The following SYNE3 variants were observed in gnomAD, a reference collection of about 807,000 sequenced individuals.
SYNE3 encodes nesprin-3.
In SYNE3, 100 loss-of-function variants were observed where a neutral mutation model predicts 111.2. The ratio of observed to expected loss-of-function variants is 0.90; its 90% CI spans 0.77 to 1.06. SYNE3 has a LOEUF of 1.06. Ranked by LOEUF, SYNE3 falls within the 50% of genes least tolerant of loss-of-function variation. The pLI, the probability that SYNE3 is intolerant of heterozygous loss-of-function variation, is 0.00. For missense variants in SYNE3, 1,160 were observed against 1,240.3 expected (o/e 0.94, Z 0.97); for synonymous variants, 547 against 533.9 (o/e 1.02, Z -0.34).
chr14:95,484,213 G>C (rs1300551342), intron 1 of SYNE3, among the ~76,000 whole-genome samples: 2 of 152,244 alleles, frequency 1.3e-5, no homozygotes, highest in Non-Finnish European at 2.9e-5. Context: ...AAATGGGACA[G>C]AGTGGAGGGG....
At chr14:95,483,938 G>A (rs1255323345) in intron 1 of SYNE3, among the ~76,000 whole-genome samples, 1 of 152,234 alleles carries the variant, frequency 6.6e-6, no homozygotes, top group African/African-American at 2.4e-5. Context: ...TTGGAGGCAA[G>A]CGGTCCCGAA....
intron 9 of SYNE3, among the ~76,000 whole-genome samples, chr14:95,445,278 G>A: frequency 6.6e-6 from 1 of 152,144 alleles, no homozygotes. Flanking sequence ...CCACCTTCTT[G>A]ACCATTCTGC....
Position 95,408,719 on chromosome 14 carries a change from CACATGCACACACAGCTT to C in SYNE3, c.*9090_*9106del. Reference sequence around the variant, plus strand: ...ATCCCTCCCACCCTGCCCACCCCTTCACATGCACACACAGCTTCCTCTGTCCGCTTCCTCCTCCCCAG... The same window carrying C: ...ATCCCTCCCACCCTGCCCACCCCTTCCCTCTGTCCGCTTCCTCCTCCCCAG... On this transcript the variant is annotated 3_prime_UTR_variant, in exon 18 of 18. Coordinates refer to ENST00000682763, the MANE Select transcript of SYNE3 (RefSeq NM_152592.6). 1.2e-5 allele frequency: 2 copies of C among 167,176 alleles called. No individual in the cohort carries two copies. Among genetic ancestry groups the C allele is most frequent in the Admixed American group, 1.4e-4 (2 of 14,298 alleles). The allele number at this position is 167,176 out of a possible 1,614,324, so 10.4% of individuals were successfully genotyped here. A position where few individuals can be genotyped will look rare whatever the true frequency, so the allele number is the denominator to read the frequency against.
At chr14:95,512,108 T>A (rs1890743018) in intron 1 of SYNE3, among the ~76,000 whole-genome samples, 1 of 152,224 alleles carries the variant, frequency 6.6e-6, no homozygotes, top group Non-Finnish European at 1.5e-5. Flanking sequence ...ACTTGTTGTA[T>A]GATTTGGGAA....
chr14:95,505,983 G>A (rs1440213670), intron 1 of SYNE3, among the ~76,000 whole-genome samples: 1 of 152,194 alleles, frequency 6.6e-6, no homozygotes. Flanking sequence ...CCCACATCTA[G>A]AGATCTCTCT....
intron 10 of SYNE3, chr14:95,443,545 G>A: frequency 2.4e-6 from 1 of 413,428 alleles, no homozygotes; most frequent in Non-Finnish European, 4.3e-6. Context: ...CAAGACAGAT[G>A]GCATCTCTGG....
intron 1 of SYNE3, among the ~76,000 whole-genome samples, chr14:95,483,560 A>G (rs1456759348): frequency 6.6e-6 from 1 of 152,162 alleles, no homozygotes; most frequent in Non-Finnish European, 1.5e-5. Context: ...AGGTTGCACC[A>G]AGAGGATAGA....
At chr14:95,472,704 G>A (rs1003807693) in intron 2 of SYNE3, among the ~76,000 whole-genome samples, 3 of 152,178 alleles carry the variant, frequency 2.0e-5, no homozygotes, top group Admixed American at 6.5e-5. Flanking sequence ...TTTGGAGCCC[G>A]GGCCTGCAGA....
intron 1 of SYNE3, among the ~76,000 whole-genome samples, chr14:95,508,168 T>C (rs1233664476): frequency 6.6e-6 from 1 of 152,164 alleles, no homozygotes; most frequent in Non-Finnish European, 1.5e-5. Flanking sequence ...CTAACTGAGG[T>C]AGCTGAGGGT....
chr14:95,437,273 C>T (rs561992979), intron 14 of SYNE3, among the ~76,000 whole-genome samples: 3 of 152,330 alleles, frequency 2.0e-5, no homozygotes, highest in Non-Finnish European at 4.4e-5. Flanking sequence ...CTTGCCCCCT[C>T]GGGGCTCCAT....
Position 95,444,412 on chromosome 14 carries a change from T to C in SYNE3, c.1776+73A>G, listed in dbSNP as rs1451242786. On this transcript the variant is annotated intron_variant, in intron 10 of 17. Coordinates refer to ENST00000682763, the MANE Select transcript of SYNE3 (RefSeq NM_152592.6). The stretch of plus-strand genomic sequence containing the variant: ...CAGCTGTTGCTTTGCTGGTTACTGC[T>C]AGAGGGAGACGCTGCTTCCAGGTGC... 18 of 1,516,912 alleles carry C rather than the reference T, an allele frequency of 1.2e-5. No homozygotes were observed. In the South Asian group the frequency reaches 2.1e-4, roughly 18 times the overall value. 94.0% of individuals were successfully genotyped at this position (1,516,912 alleles called of 1,614,324 possible).
At chr14:95,452,443 T>C in intron 6 of SYNE3, 60 bp from the exon 7 acceptor site, 1 of 1,499,150 alleles carries the variant, frequency 6.7e-7, no homozygotes, top group Non-Finnish European at 8.9e-7. Context: ...TAAGTGTGTG[T>C]GTGCAGGAGG....
At chr14:95,488,715 G>GGAGAA (rs1889682615) in intron 1 of SYNE3, among the ~76,000 whole-genome samples, 1 of 95,962 alleles carries the variant, frequency 1.0e-5, no homozygotes, top group Non-Finnish European at 2.1e-5. Context: ...GGAGAGGAGA[G>GGAGAA]GAGAGGAGAG....
intron 1 of SYNE3, among the ~76,000 whole-genome samples, chr14:95,494,976 G>A (rs1332061111): frequency 1.3e-5 from 2 of 152,106 alleles, no homozygotes; most frequent in African/African-American, 4.8e-5. Flanking sequence ...GTTGGGCGTG[G>A]TGGCAGGCAC....
At chr14:95,481,411 C>T (rs767903573) in intron 1 of SYNE3, among the ~76,000 whole-genome samples, 23 of 152,076 alleles carry the variant, frequency 1.5e-4, no homozygotes, top group Non-Finnish European at 2.5e-4. Flanking sequence ...TGAGAAGCTG[C>T]GAGGAGACAA....
In SYNE3 at chr14:95,500,630, C is replaced by T. The variant is rs1315115625; in HGVS notation, c.-15+15966G>A. Among the ~76,000 whole-genome samples the T allele has an allele frequency of 1.3e-5, 2 of 152,244 alleles. No individual in the cohort carries two copies. The highest frequency in any genetic ancestry group is 2.9e-5 in the Non-Finnish European group (2 of 68,042). On this transcript the variant is annotated intron_variant, in intron 1 of 17. Coordinates refer to ENST00000682763, the MANE Select transcript of SYNE3 (RefSeq NM_152592.6). This position sits in a 1 kb window ranked among gnomAD's most constrained non-coding sequence, Gnocchi z 4.7. ...GAGAACAATGCCCCACTGTTGTGTG[C>T]AGCACTTGGAAGCTGAGCAACCACC...
At chr14:95,513,477 G>A (rs1041488642) in intron 1 of SYNE3, among the ~76,000 whole-genome samples, 2 of 152,088 alleles carry the variant, frequency 1.3e-5, no homozygotes, top group African/African-American at 4.8e-5. Context: ...CCCGCACCAT[G>A]CCGGGCATTC....
chr14:95,492,509 C>T (rs1889897666), intron 1 of SYNE3, among the ~76,000 whole-genome samples: 1 of 152,220 alleles, frequency 6.6e-6, no homozygotes, highest in Non-Finnish European at 1.5e-5. Context: ...AGAAGCCAGT[C>T]ACAAAGGTCC....
Position 95,413,750 on chromosome 14 carries a change from G to C in SYNE3, c.*4076C>G, listed in dbSNP as rs1250864427. On this transcript the variant is annotated 3_prime_UTR_variant, in exon 18 of 18. Transcript: ENST00000682763. The stretch of plus-strand genomic sequence containing the variant: ...CCAGCCAGCTGCCTGAAGCAAACGG[G>C]GCCTGAGAGATGGAATTGGGTCAGG... The C allele has an allele frequency of 6.6e-6, 1 of 152,220 alleles. No individual in the cohort carries two copies. Among genetic ancestry groups the C allele is most frequent in the African/African-American group, 2.4e-5 (1 of 41,432 alleles). 9.4% of individuals were successfully genotyped at this position (152,220 alleles called of 1,614,324 possible).
Sources: gnomAD v4.1 joint callset for allele counts (sites outside exome capture counted in the v4.1 genomes callset) on GRCh38, gnomAD v4.1.1 for gene constraint, Gnocchi (gnomAD v3.1) non-coding constraint, MANE v1.5 for transcripts, NCBI Gene and HGNC (gene_info 2026-07-23, HGNC 2026-07-21) for gene names.